RAI1: variants seen among roughly 807,000 people sequenced by gnomAD.
RAI1 encodes retinoic acid-induced protein 1.
RAI1 carries 9 observed loss-of-function variants against 123.8 expected under a neutral mutation model. That is an observed-to-expected ratio of 0.07 (90% CI 0.04 to 0.13). RAI1 has a LOEUF of 0.13. Among genes scored for constraint, RAI1 ranks in the 10% least tolerant of loss-of-function variants. The pLI, the probability that RAI1 is intolerant of heterozygous loss-of-function variation, is 1.00. For synonymous variants in RAI1, 1,231 were observed against 1,127.3 expected (o/e 1.09, Z -1.84); for missense variants, 2,256 against 2,545.8 (o/e 0.89, Z 2.45).
chr17:17,713,677 G>T (rs572683592), intron 1 of RAI1, among the ~76,000 whole-genome samples: 1 of 152,188 alleles, frequency 6.6e-6, no homozygotes, highest in Non-Finnish European at 1.5e-5. Context: ...TAAAAAGATT[G>T]TAAGGAAATA....
At chr17:17,683,448 C>G (rs951870036) in intron 1 of RAI1, 1 of 152,284 alleles carries the variant, frequency 6.6e-6, no homozygotes, top group Non-Finnish European at 1.5e-5. Context: ...CTGCTGACCA[C>G]ACAGCTGGGT....
chr17:17,718,062 T>C (rs1003713087), intron 1 of RAI1, among the ~76,000 whole-genome samples: 4 of 152,162 alleles, frequency 2.6e-5, no homozygotes, highest in Non-Finnish European at 5.9e-5. Context: ...GCCTCGGTCT[T>C]GGCCCAGCAC....
rs535790723 is a variant in RAI1, at chr17:17,721,077, C to T, written c.-148-2951C>T. The stretch of plus-strand genomic sequence containing the variant: ...AGCGACCTGGAATCTGTGAAGGGTA[C>T]TCACTGAGCGACCTGGAATCTGTGA... On this transcript the variant is annotated intron_variant, in intron 1 of 5. Coordinates refer to ENST00000353383, the MANE Select transcript of RAI1 (RefSeq NM_030665.4). 1.2e-3 allele frequency among the ~76,000 whole-genome samples: 178 copies of T among 152,290 alleles called. No homozygotes were observed. In the Middle Eastern group the frequency reaches 0.014, roughly 12 times the overall value.
Position 17,795,318 on chromosome 17 carries a change from C to T in RAI1, c.2370C>T (p.Cys790=), listed in dbSNP as rs202243672. 3 of 1,604,810 alleles carry T rather than the reference C, an allele frequency of 1.9e-6. No homozygotes were observed. The highest frequency in any genetic ancestry group is 1.1e-5 in the South Asian group (1 of 90,844). Residue 790 remains cysteine, a synonymous_variant, in exon 3 of 6, where the codon TGC becomes TGT. Transcript: ENST00000353383. This position sits in a 1 kb window ranked among gnomAD's most constrained non-coding sequence, Gnocchi z 5.9. ...SKGDTHEASA[C]LGFQEEDPPG... ...GGGACACCCATGAGGCTTCGGCCTG[C>T]CTGGGCTTCCAGGAGGAGGACCCCC... is the stretch of plus-strand genomic sequence containing the variant.
At chr17:17,780,696 C>T (rs942717718) in intron 2 of RAI1, among the ~76,000 whole-genome samples, 12 of 152,316 alleles carry the variant, frequency 7.9e-5, no homozygotes, top group Middle Eastern at 6.8e-3. Context: ...GGGGGTCAGA[C>T]GGCATCAGCC....
At chr17:17,683,233 C>T (rs1050077202) in intron 1 of RAI1, among the ~76,000 whole-genome samples, 1 of 152,136 alleles carries the variant, frequency 6.6e-6, no homozygotes, top group Non-Finnish European at 1.5e-5. Flanking sequence ...TTTTAGTTGT[C>T]TGCTGCCCTG....
chr17:17,728,377 G>GA (rs1433710819), intron 2 of RAI1, among the ~76,000 whole-genome samples: 2 of 152,146 alleles, frequency 1.3e-5, no homozygotes, highest in African/African-American at 4.8e-5. Flanking sequence ...ATCAGGCTGT[G>GA]AAATGATCCG....
rs1258508625 is a variant in RAI1 at position 17,684,704 on chromosome 17, A to ATATATATGTATG, written c.-149+2914_-149+2915insATATGTATGTAT. The ATATATATGTATG allele has an allele frequency of 1.4e-4, 17 of 119,542 alleles. No individual in the cohort carries two copies. In the East Asian group the frequency reaches 2.0e-3, roughly 14 times the overall value. 7.4% of individuals were successfully genotyped at this position (119,542 alleles called of 1,614,324 possible). ...TATATATATATATATATATATATATATATGTATGTATGTATGTATATTACA... is the reference window on the plus strand; with the variant it reads ...TATATATATATATATATATATATATATATATATGTATGTATGTATGTATGTATGTATATTACA... On this transcript the variant is annotated intron_variant, in intron 1 of 5. Transcript: ENST00000353383.
At chr17:17,703,896 C>A (rs1399233265) in intron 1 of RAI1, among the ~76,000 whole-genome samples, 2 of 152,254 alleles carry the variant, frequency 1.3e-5, no homozygotes, top group African/African-American at 4.8e-5. Context: ...GGGCCCAAGT[C>A]CTTGTCTTCA....
intron 2 of RAI1, among the ~76,000 whole-genome samples, chr17:17,736,281 C>T (rs1410573821): frequency 6.6e-6 from 1 of 152,194 alleles, no homozygotes; most frequent in Non-Finnish European, 1.5e-5. Context: ...CCTCTCATGG[C>T]CCCTGCCCCC....
rs1286821822 is a variant in RAI1 at position 17,809,882 on chromosome 17, C to T, written c.5710-88C>T. ...GCTCTGGGGTCGCCTGGGTCTGGGG[C>T]TTAGGCGGGGGGCCCACACTGGGGG... On this transcript the variant is annotated intron_variant, in intron 5 of 5. Transcript: ENST00000353383. The surrounding 1 kb of genome is among the most constrained non-coding windows in gnomAD (Gnocchi z 4.9). The T allele has an allele frequency of 1.9e-6, 3 of 1,540,472 alleles. No homozygotes were observed. The highest frequency in any genetic ancestry group is 2.0e-5 in the Admixed American group (1 of 50,888).
rs773430101 is a variant in RAI1, at chr17:17,796,491, C to T, written c.3543C>T (p.Ser1181=). 17 of 1,610,912 alleles carry T rather than the reference C, an allele frequency of 1.1e-5. No individual in the cohort carries two copies. The Admixed American group carries it at 2.8e-4, about 27-fold the overall frequency. The change falls in exon 3 of 6, where the codon AGC becomes AGT. Residue 1181 remains serine, a synonymous_variant. Transcript: ENST00000353383. This position sits in a 1 kb window ranked among gnomAD's most constrained non-coding sequence, Gnocchi z 5.8. ...CCACCAAGAAGCTCCTCGACAACAG[C>T]CACTTGCCCGCCACATTCAAGGTCT... ...CRATKKLLDN[S]HLPATFKVSS...
rs1057524861 is a variant in RAI1, at chr17:17,794,645, C to T, written c.1697C>T (p.Thr566Ile). 6.2e-7 allele frequency: 1 copy of T among 1,613,002 alleles called. No homozygotes were observed. The highest frequency in any genetic ancestry group is 1.3e-5 in the African/African-American group (1 of 75,036). Residue 566 changes from threonine (T) to isoleucine (I), a missense_variant, in exon 3 of 6, where the codon ACC becomes ATC. Physicochemically the swap from Thr to Ile is moderately conservative, Grantham distance 89 (BLOSUM62 -1). This residue lies in a region of RAI1 where 357 missense variants were observed against 480.2 expected (regional missense o/e 0.74). Transcript: ENST00000353383. The part of the protein sequence containing the change: ...CSVTSPDDMS[T>I]KSDDSFQSLH... ...GTGACCTCTCCTGACGACATGTCCA[C>T]CAAATCTGACGACTCCTTCCAGAGC...
rs188746862 is a variant in RAI1, at chr17:17,790,367, G to A, written c.-16-2566G>A. Among the ~76,000 whole-genome samples, 713 of 152,330 alleles carry A rather than the reference G, an allele frequency of 4.7e-3. 11 individuals are homozygous for A. Among genetic ancestry groups the A allele is most frequent in the African/African-American group, 0.016 (667 of 41,570 alleles). ...TGCCTGCATTCTCCATCAGCACTGG[G>A]CTTCTCGTGTTTTAATTGAACTGTC... On this transcript the variant is annotated intron_variant, in intron 2 of 5. Transcript: ENST00000353383.
rs1046337223 is a variant in RAI1, at chr17:17,749,196, A to G, written c.-17+25037A>G. Among the ~76,000 whole-genome samples the G allele has an allele frequency of 3.3e-5, 5 of 152,206 alleles. No homozygotes were observed. The East Asian group carries it at 9.6e-4, about 29-fold the overall frequency. ...GCTCGCCTGAGCTGCCTCCAGGGAC[A>G]GTCCTGCCCGCCTCCCCAGAGAGCC... On this transcript the variant is annotated intron_variant, in intron 2 of 5. Transcript: ENST00000353383.
chr17:17,694,789 A>T (rs1295549407), intron 1 of RAI1, among the ~76,000 whole-genome samples: 1 of 149,806 alleles, frequency 6.7e-6, no homozygotes, highest in Non-Finnish European at 1.5e-5. Flanking sequence ...TCGCGTCGCC[A>T]TGGCAGCGCC....
chr17:17,738,663 G>T (rs985717929), intron 2 of RAI1, among the ~76,000 whole-genome samples: 5 of 152,206 alleles, frequency 3.3e-5, no homozygotes, highest in African/African-American at 1.2e-4. Context: ...CGTAGCAACT[G>T]CCAGCTTGCA....
intron 1 of RAI1, among the ~76,000 whole-genome samples, chr17:17,713,356 T>C (rs1915620814): frequency 6.6e-6 from 1 of 152,184 alleles, no homozygotes; most frequent in East Asian, 1.9e-4. Context: ...ATAATAATAA[T>C]AGGCCAGCTG....
Position 17,749,875 on chromosome 17 carries a change from T to C in RAI1, c.-17+25716T>C, listed in dbSNP as rs548211488. ...CCACTAGGGCCTCATTAAGTATTTATTGAATGAGCAAATGAGTGAATGGAT... is the reference window on the plus strand; with the variant it reads ...CCACTAGGGCCTCATTAAGTATTTACTGAATGAGCAAATGAGTGAATGGAT... On this transcript the variant is annotated intron_variant, in intron 2 of 5. Transcript: ENST00000353383. Among the ~76,000 whole-genome samples, 194 of 152,360 alleles carry C rather than the reference T, an allele frequency of 1.3e-3. No homozygotes were observed. The Middle Eastern group carries it at 0.014, about 11-fold the overall frequency.
Sources: gnomAD v4.1 joint callset for allele counts (sites outside exome capture counted in the v4.1 genomes callset) on GRCh38, gnomAD v4.1.1 for gene constraint, gnomAD v4.1.1 regional missense constraint, Gnocchi (gnomAD v3.1) non-coding constraint, MANE v1.5 for transcripts, NCBI Gene and HGNC (gene_info 2026-07-23, HGNC 2026-07-21) for gene names.